The following PCSK5 variants were observed in gnomAD, a reference collection of about 807,000 sequenced individuals.
PCSK5 encodes prohormone convertase 5.
PCSK5 carries 129 observed loss-of-function variants against 233.2 expected under a neutral mutation model. That is an observed-to-expected ratio of 0.55 (90% CI 0.48 to 0.64). The LOEUF (loss-of-function observed/expected upper bound fraction) is 0.64, where lower values mean the gene tolerates loss of function less well. PCSK5 is among the 30% of genes least tolerant of loss of function. The pLI, the probability that PCSK5 is intolerant of heterozygous loss-of-function variation, is 0.00. For synonymous variants in PCSK5, 825 were observed against 879.2 expected (o/e 0.94, Z 1.09); for missense variants, 2,076 against 2,430.1 (o/e 0.85, Z 3.06).
At chr9:76,224,469 G>A (rs1470020935) in intron 20 of PCSK5, among the ~76,000 whole-genome samples, 1 of 152,196 alleles carries the variant, frequency 6.6e-6, no homozygotes, top group Non-Finnish European at 1.5e-5. Flanking sequence ...ATGAGGAGGT[G>A]ATGTCTCCTT....
At chr9:76,241,090 T>A (rs899258291) in intron 24 of PCSK5, among the ~76,000 whole-genome samples, 4 of 152,182 alleles carry the variant, frequency 2.6e-5, no homozygotes, top group Admixed American at 2.6e-4. Context: ...TCTAACTCAC[T>A]TGATGTGTAA....
chr9:76,023,384 G>A (rs1188218984), intron 3 of PCSK5, among the ~76,000 whole-genome samples: 4 of 152,110 alleles, frequency 2.6e-5, no homozygotes, highest in Admixed American at 2.0e-4. Flanking sequence ...AAGAAGTAGA[G>A]CCAGGCACAA....
At chr9:76,212,581 T>C (rs1327460982) in intron 20 of PCSK5, among the ~76,000 whole-genome samples, 1 of 152,236 alleles carries the variant, frequency 6.6e-6, no homozygotes, top group Admixed American at 6.5e-5. Flanking sequence ...CCAGCTTTCC[T>C]ATATTCCCAG....
upstream of PCSK5, among the ~76,000 whole-genome samples, chr9:75,890,115 C>G (rs757781135): frequency 6.6e-6 from 1 of 152,202 alleles, no homozygotes. Flanking sequence ...CGAAAGTGAG[C>G]AGGCAACAGA....
At chr9:76,270,613 G>A (rs1175479284) in intron 24 of PCSK5, among the ~76,000 whole-genome samples, 1 of 152,154 alleles carries the variant, frequency 6.6e-6, no homozygotes, top group Non-Finnish European at 1.5e-5. Flanking sequence ...ACTCTTAGTT[G>A]AATGATTTGG....
rs768195489 is a variant in PCSK5 at position 76,302,230 on chromosome 9, T to C, written c.3604+13T>C. 11 of 1,241,582 alleles carry C rather than the reference T, an allele frequency of 8.9e-6. No homozygotes were observed. The highest frequency in any genetic ancestry group is 1.2e-5 in the Non-Finnish European group (11 of 925,736). 76.9% of individuals were successfully genotyped at this position (1,241,582 alleles called of 1,614,324 possible). A position where few individuals can be genotyped will look rare whatever the true frequency, so the allele number is the denominator to read the frequency against. On this transcript the variant is annotated intron_variant, in intron 28 of 37. Transcript: ENST00000674117. ...CAAATCAAAAGAGGTAACAGGGAAA[T>C]AGGGAGGCAACAATCACAGCAGCAG...
intron 20 of PCSK5, among the ~76,000 whole-genome samples, chr9:76,201,136 C>G (rs555925519): frequency 1.3e-5 from 2 of 152,266 alleles, no homozygotes; most frequent in East Asian, 1.9e-4. Context: ...TTTGGCAAGG[C>G]CTGTTTGCAA....
At chr9:76,030,079 G>T (rs1828591372) in intron 5 of PCSK5, among the ~76,000 whole-genome samples, 1 of 151,610 alleles carries the variant, frequency 6.6e-6, no homozygotes, top group Non-Finnish European at 1.5e-5. Flanking sequence ...TTATTCAATT[G>T]TTAAAAGCTG....
intron 2 of PCSK5, among the ~76,000 whole-genome samples, chr9:75,961,144 T>C (rs1825335709): frequency 2.0e-5 from 3 of 152,224 alleles, no homozygotes; most frequent in South Asian, 2.1e-4. Context: ...GTCCTTGTGA[T>C]TGAGCTGAAC....
chr9:76,020,185 C>T (rs1290738992), intron 3 of PCSK5, among the ~76,000 whole-genome samples: 2 of 152,144 alleles, frequency 1.3e-5, no homozygotes, highest in African/African-American at 2.4e-5. Flanking sequence ...ATATGTGTTC[C>T]GTTTGCCTCT....
intron 2 of PCSK5, among the ~76,000 whole-genome samples, chr9:75,969,082 G>A (rs4144878): frequency 0.2 from 30,256 of 151,716 alleles, 3,588 homozygotes; most frequent in East Asian, 0.46. Flanking sequence ...GATGGTTCTC[G>A]TCTTCATTCT....
intron 6 of PCSK5, 85 bp from the exon 7 acceptor site, chr9:76,071,641 T>TC: frequency 3.6e-6 from 4 of 1,126,486 alleles, no homozygotes; most frequent in Non-Finnish European, 5.1e-6. Flanking sequence ...AATGTATTCT[T>TC]CCCCCCGAGA....
At chr9:75,950,164 G>T (rs1824787585) in intron 2 of PCSK5, among the ~76,000 whole-genome samples, 1 of 141,522 alleles carries the variant, frequency 7.1e-6, no homozygotes, top group Non-Finnish European at 1.5e-5. Context: ...GGGGAGGGGG[G>T]AACTGCTACA....
chr9:76,338,159 C>T (rs1252047987), intron 34 of PCSK5, 71 bp from the exon 35 acceptor site: 2 of 1,091,952 alleles, frequency 1.8e-6, no homozygotes, highest in Non-Finnish European at 2.7e-6. Flanking sequence ...ACCTGACCAC[C>T]ATGTTTTTCC....
At chr9:76,296,927 T>G in intron 27 of PCSK5, 62 bp downstream of exon 27, 1 of 1,078,148 alleles carries the variant, frequency 9.3e-7, no homozygotes, top group Non-Finnish European at 1.4e-6. Context: ...TCCCTCCTTC[T>G]ATAACTCTGG....
chr9:75,984,512 T>C (rs1587458845), intron 2 of PCSK5, among the ~76,000 whole-genome samples: 1 of 152,206 alleles, frequency 6.6e-6, no homozygotes, highest in East Asian at 1.9e-4. Context: ...TATGAACTAG[T>C]TAACTTTATT....
chr9:76,002,399 G>A (rs1374977217), intron 3 of PCSK5, among the ~76,000 whole-genome samples: 1 of 152,120 alleles, frequency 6.6e-6, no homozygotes, highest in Non-Finnish European at 1.5e-5. Flanking sequence ...TTTTTTGCAT[G>A]CAAATGAACA....
intron 33 of PCSK5, 98 bp from the exon 34 acceptor site, chr9:76,332,335 C>T: frequency 2.5e-6 from 2 of 788,842 alleles, no homozygotes; most frequent in Non-Finnish European, 4.1e-6. Flanking sequence ...CCTCCTGCAG[C>T]CCTCTCCTCC....
chr9:76,331,434 G>A (rs1023943470), intron 33 of PCSK5, among the ~76,000 whole-genome samples: 21 of 152,246 alleles, frequency 1.4e-4, no homozygotes, highest in East Asian at 5.8e-4. Flanking sequence ...TTGGGAGGCC[G>A]AGGTGGGCGG....
Sources: allele counts gnomAD v4.1 joint callset (sites outside exome capture counted in the v4.1 genomes callset), GRCh38; gene constraint gnomAD v4.1.1; transcripts MANE v1.5; gene names NCBI Gene and HGNC (gene_info 2026-07-23, HGNC 2026-07-21).